The following ARHGEF10 variants were observed in gnomAD, a reference collection of about 807,000 sequenced individuals.
The protein encoded by ARHGEF10 is Rho guanine nucleotide exchange factor 10, also known as Rho guanine nucleotide exchange factor (GEF) 10.
A neutral mutation model predicts 147.4 loss-of-function variants in ARHGEF10; 140 were observed. The ratio of observed to expected loss-of-function variants is 0.95; its 90% CI spans 0.83 to 1.09. The LOEUF is 1.09. Ranked by LOEUF, ARHGEF10 falls within the 50% of genes least tolerant of loss-of-function variation. The probability of loss-of-function intolerance (pLI) is 0.00; values close to 1 mark genes in which losing one functional copy is unlikely to be tolerated. For synonymous variants in ARHGEF10, 902 were observed against 695.8 expected (o/e 1.30, Z -4.67); for missense variants, 2,222 against 1,752.7 (o/e 1.27, Z -4.78).
rs567175392 is a variant in ARHGEF10, at chr8:1,863,945, C to G, written c.482-428C>G. Among the ~76,000 whole-genome samples the G allele has an allele frequency of 2.6e-5, 4 of 151,994 alleles. No individual in the cohort carries two copies. In the East Asian group the frequency reaches 7.7e-4, roughly 29 times the overall value. On this transcript the variant is annotated intron_variant, in intron 4 of 28. Transcript: ENST00000349830. ...TTGAACATCTTTTGAGCGTGCCAGG[C>G]GGATGCCCCTTCAGGCCAGTCACAG...
At position 1,923,763 on chromosome 8, in the gene ARHGEF10, G is replaced by T; in HGVS notation, c.2388-11G>T. On this transcript the variant is annotated splice_polypyrimidine_tract_variant and intron_variant, in intron 20 of 28. Transcript: ENST00000349830. ...TTTATAAAATGAATGCTTGTCTGTT[G>T]TTTCTGGCAGATCTGGGCGACCGAC... 1.2e-6 allele frequency: 2 copies of T among 1,614,188 alleles called. No homozygotes were observed. The highest frequency in any genetic ancestry group is 1.7e-6 in the Non-Finnish European group (2 of 1,180,010).
intron 1 of ARHGEF10, among the ~76,000 whole-genome samples, chr8:1,834,963 A>C (rs1033415685): frequency 6.6e-6 from 1 of 152,196 alleles, no homozygotes; most frequent in Non-Finnish European, 1.5e-5. Context: ...CTTCACCCCC[A>C]GGTGGGAGGA....
chr8:1,845,293 G>GC (rs139844273), intron 2 of ARHGEF10, among the ~76,000 whole-genome samples: 19,041 of 152,244 alleles, frequency 0.13, 1,433 homozygotes, highest in African/African-American at 0.2. Context: ...CCCTCCAGGG[G>GC]CCCCCTCCCG....
chr8:1,841,046 G>T (rs73176758), intron 1 of ARHGEF10, among the ~76,000 whole-genome samples: 5,057 of 152,288 alleles, frequency 0.033, 118 homozygotes, highest in Non-Finnish European at 0.052. Context: ...GGGTGGAAGG[G>T]CAAGGACATG....
At chr8:1,894,324 T>G in intron 12 of ARHGEF10, 69 bp from the exon 13 acceptor site, 1 of 1,569,978 alleles carries the variant, frequency 6.4e-7, no homozygotes, top group Non-Finnish European at 8.7e-7. Context: ...CGCTGCACCC[T>G]GGACAACAAA....
intron 16 of ARHGEF10, chr8:1,904,134 C>G (rs1016262151): frequency 6.6e-6 from 1 of 152,502 alleles, no homozygotes; most frequent in African/African-American, 2.4e-5. Context: ...TTTGTCTTCA[C>G]CTATGCATGG....
At chr8:1,876,007 A>G (rs1397583304) in intron 7 of ARHGEF10, 3 of 159,838 alleles carry the variant, frequency 1.9e-5, no homozygotes, top group African/African-American at 7.2e-5. Flanking sequence ...AGTTTGAAGA[A>G]TGTCATTTTC....
chr8:1,869,287 G>C (rs1250066552), intron 7 of ARHGEF10, 37 bp downstream of exon 7: 2 of 1,577,038 alleles, frequency 1.3e-6, no homozygotes, highest in Non-Finnish European at 1.7e-6. Flanking sequence ...AGGAGATTCA[G>C]CTCAGCAGCC....
intron 18 of ARHGEF10, among the ~76,000 whole-genome samples, chr8:1,922,603 A>G (rs899962561): frequency 1.3e-5 from 2 of 152,148 alleles, no homozygotes; most frequent in South Asian, 4.1e-4. Flanking sequence ...AGGAAATGAC[A>G]TTCATGTGAA....
rs1814757164 is a variant in ARHGEF10, at chr8:1,948,306, T to A, written c.3397+2651T>A. Among the ~76,000 whole-genome samples, 1 of 152,192 alleles carries A rather than the reference T, an allele frequency of 6.6e-6. No homozygotes were observed. On this transcript the variant is annotated intron_variant, in intron 27 of 28. Transcript: ENST00000349830. This position sits in a 1 kb window ranked among gnomAD's most constrained non-coding sequence, Gnocchi z 4.9. ...TGAATCGTGGGTCTTTACTTATTCC[T>A]ACACGACATAGTCAGGTCTGCATTT...
intron 1 of ARHGEF10, among the ~76,000 whole-genome samples, chr8:1,824,473 A>G (rs1056138465): frequency 9.9e-5 from 15 of 152,022 alleles, no homozygotes; most frequent in Non-Finnish European, 1.9e-4. Flanking sequence ...TTTCCGGTAA[A>G]GGAGAAGAAT....
intron 18 of ARHGEF10, among the ~76,000 whole-genome samples, chr8:1,917,036 C>G (rs1446820577): frequency 6.6e-6 from 1 of 152,212 alleles, no homozygotes; most frequent in Non-Finnish European, 1.5e-5. Flanking sequence ...CAGGACGTTC[C>G]TCATGATTGA....
At chr8:1,956,711 AT>A (rs1355858393) in intron 28 of ARHGEF10, 37 bp from the exon 29 acceptor site, 13 of 1,613,218 alleles carry the variant, frequency 8.1e-6, no homozygotes, top group Non-Finnish European at 1.1e-5. Flanking sequence ...AATTTTGCCT[AT>A]TTTAAAAGAC....
At chr8:1,824,444 G>C (rs370733973) in intron 1 of ARHGEF10, among the ~76,000 whole-genome samples, 1 of 151,962 alleles carries the variant, frequency 6.6e-6, no homozygotes, top group East Asian at 1.9e-4. Context: ...CGCCTGGGGG[G>C]TCGTGCAGTA....
intron 9 of ARHGEF10, among the ~76,000 whole-genome samples, chr8:1,881,390 A>C (rs2082166001): frequency 6.6e-6 from 1 of 152,174 alleles, no homozygotes; most frequent in African/African-American, 2.4e-5. Context: ...TCACAGCCCA[A>C]ATCTGGGGTT....
intron 18 of ARHGEF10, among the ~76,000 whole-genome samples, chr8:1,922,278 A>AG (rs1209085904): frequency 6.6e-6 from 1 of 152,074 alleles, no homozygotes; most frequent in African/African-American, 2.4e-5. Flanking sequence ...TAAAAAAAAA[A>AG]AAAAACTTTA....
At chr8:1,828,033 A>G (rs1302078998) in intron 1 of ARHGEF10, among the ~76,000 whole-genome samples, 2 of 152,246 alleles carry the variant, frequency 1.3e-5, no homozygotes, top group African/African-American at 4.8e-5. Flanking sequence ...AATGACCGTC[A>G]GTCCCTGGGG....
Position 1,869,217 on chromosome 8 carries a change from G to A in ARHGEF10, c.646G>A (p.Asp216Asn). Residue 216 changes from aspartate (D) to asparagine (N), a missense_variant, in exon 7 of 29, where the codon GAC becomes AAC. Transcript: ENST00000349830. ...MENPEEAIYDDVPRENSDSEP... is the reference protein window; with the variant it reads ...MENPEEAIYDNVPRENSDSEP... Reference sequence around the variant, plus strand: ...AGATCCAGAGGAAGCAATTTACGATGACGTTCCAAGGGAAAACTCAGACTC... The same window carrying A: ...AGATCCAGAGGAAGCAATTTACGATAACGTTCCAAGGGAAAACTCAGACTC... The A allele has an allele frequency of 6.2e-7, 1 of 1,614,106 alleles. No homozygotes were observed.
chr8:1,828,304 C>A (rs954669131), intron 1 of ARHGEF10, among the ~76,000 whole-genome samples: 6 of 152,278 alleles, frequency 3.9e-5, no homozygotes, highest in Non-Finnish European at 5.9e-5. Context: ...TGTGGAAGAG[C>A]AGTGCCTTCC....
Sources: gnomAD v4.1 joint callset for allele counts (sites outside exome capture counted in the v4.1 genomes callset) on GRCh38, gnomAD v4.1.1 for gene constraint, Gnocchi (gnomAD v3.1) non-coding constraint, MANE v1.5 for transcripts, NCBI Gene and HGNC (gene_info 2026-07-23, HGNC 2026-07-21) for gene names.